Variants in CRPPA observed in about 807,000 individuals in gnomAD.
CRPPA encodes CDP-L-ribitol pyrophosphorylase A.
In CRPPA, 43 loss-of-function variants were observed where a neutral mutation model predicts 52.0. The ratio of observed to expected loss-of-function variants is 0.83; its 90% CI spans 0.65 to 1.07. The LOEUF (loss-of-function observed/expected upper bound fraction) is 1.07. Among genes scored for constraint, CRPPA ranks in the 50% least tolerant of loss-of-function variants. The pLI is 0.00. For missense variants in CRPPA, 629 were observed against 551.7 expected (o/e 1.14, Z -1.40); for synonymous variants, 250 against 203.5 (o/e 1.23, Z -1.94).
At chr7:16,387,086 T>TATATATACAC (rs1214967656) in intron 2 of CRPPA, among the ~76,000 whole-genome samples, 1 of 55,810 alleles carries the variant, frequency 1.8e-5, no homozygotes, top group Non-Finnish European at 3.3e-5. Context: ...TATATATATA[T>TATATATACAC]ACACACATAT....
At chr7:16,366,880 A>G (rs1383346546) in intron 3 of CRPPA, among the ~76,000 whole-genome samples, 1 of 152,184 alleles carries the variant, frequency 6.6e-6, no homozygotes, top group East Asian at 1.9e-4. Flanking sequence ...CATCACCAAG[A>G]TTGTCAATTT....
At chr7:16,395,894 T>C (rs1787556201) in intron 2 of CRPPA, among the ~76,000 whole-genome samples, 1 of 152,194 alleles carries the variant, frequency 6.6e-6, no homozygotes, top group Non-Finnish European at 1.5e-5. Flanking sequence ...TTTGAAATAA[T>C]TAAAGCAAAG....
At chr7:16,215,998 C>T in intron 9 of CRPPA, 68 bp downstream of exon 9, 1 of 1,226,728 alleles carries the variant, frequency 8.2e-7, no homozygotes, top group East Asian at 2.4e-5. Flanking sequence ...CTGCTTTTAA[C>T]AAATCAGATA....
intron 8 of CRPPA, among the ~76,000 whole-genome samples, chr7:16,219,671 G>A (rs1240488346): frequency 1.1e-3 from 119 of 112,886 alleles, no homozygotes; most frequent in African/African-American, 3.4e-3. Flanking sequence ...ACACCTCTAC[G>A]CAAATAAACT....
intron 9 of CRPPA, among the ~76,000 whole-genome samples, chr7:16,102,781 C>T (rs750991966): frequency 7.2e-5 from 11 of 152,190 alleles, no homozygotes; most frequent in Middle Eastern, 3.4e-3. Flanking sequence ...GTTAGAATGG[C>T]GACCATTAAA....
chr7:16,106,508 G>T (rs1782154965), intron 9 of CRPPA, among the ~76,000 whole-genome samples: 1 of 152,110 alleles, frequency 6.6e-6, no homozygotes, highest in South Asian at 2.1e-4. Flanking sequence ...CCAACCAGTA[G>T]CCCCACCTGA....
chr7:16,218,927 C>A (rs1782416477), intron 8 of CRPPA, among the ~76,000 whole-genome samples: 1 of 152,072 alleles, frequency 6.6e-6, no homozygotes, highest in Non-Finnish European at 1.5e-5. Context: ...GAACTCAGCT[C>A]TGCACCAAGC....
At chr7:16,170,367 T>G (rs1008563180) in intron 9 of CRPPA, among the ~76,000 whole-genome samples, 1 of 152,268 alleles carries the variant, frequency 6.6e-6, no homozygotes, top group Non-Finnish European at 1.5e-5. Flanking sequence ...ACCCTCGCGG[T>G]GAGTGTTACA....
intron 3 of CRPPA, among the ~76,000 whole-genome samples, chr7:16,368,267 C>T (rs914538812): frequency 3.3e-5 from 5 of 152,188 alleles, no homozygotes; most frequent in African/African-American, 9.7e-5. Flanking sequence ...ATAGTTTCCA[C>T]TCTTGAAATT....
At chr7:16,288,311 C>T (rs949427062) in intron 5 of CRPPA, among the ~76,000 whole-genome samples, 1 of 151,842 alleles carries the variant, frequency 6.6e-6, no homozygotes, top group Middle Eastern at 3.4e-3. Flanking sequence ...AAAATACAAA[C>T]ATTTTTCTTT....
intron 3 of CRPPA, among the ~76,000 whole-genome samples, chr7:16,326,709 T>C (rs1785399787): frequency 6.6e-6 from 1 of 152,208 alleles, no homozygotes; most frequent in South Asian, 2.1e-4. Context: ...TAAGTAGTTG[T>C]GTGACTCTCT....
chr7:16,167,083 C>T lies in CRPPA; in HGVS notation c.1251+48983G>A, dbSNP rs898970651. 2.6e-5 allele frequency among the ~76,000 whole-genome samples: 4 copies of T among 152,062 alleles called. No individual in the cohort carries two copies. The East Asian group carries it at 7.7e-4, about 29-fold the overall frequency. ...AGCTGGGACTACAGGGGCCTGCCAC[C>T]ATGCCCGGCTAATTTTTTGTACTTA... On this transcript the variant is annotated intron_variant, in intron 9 of 9. Transcript: ENST00000407010.
chr7:16,134,968 G>A (rs1782738319), intron 9 of CRPPA, among the ~76,000 whole-genome samples: 1 of 152,084 alleles, frequency 6.6e-6, no homozygotes, highest in African/African-American at 2.4e-5. Context: ...TACCTGTTTT[G>A]TTGTCTGGAT....
intron 8 of CRPPA, among the ~76,000 whole-genome samples, chr7:16,234,451 T>C (rs1782885987): frequency 1.3e-5 from 2 of 152,078 alleles, no homozygotes; most frequent in Non-Finnish European, 2.9e-5. Context: ...AAAACGTTTT[T>C]CTAAAAGGCA....
intron 2 of CRPPA, among the ~76,000 whole-genome samples, chr7:16,400,574 T>G (rs897939738): frequency 3.9e-5 from 6 of 152,140 alleles, no homozygotes; most frequent in African/African-American, 1.4e-4. Flanking sequence ...CTGACACATT[T>G]GTGACACACA....
chr7:16,351,585 C>T (rs4568517), intron 3 of CRPPA, among the ~76,000 whole-genome samples: 123,088 of 151,860 alleles, frequency 0.81, 50,054 homozygotes, highest in Non-Finnish European at 0.84. Context: ...AAACAAACAA[C>T]CCCATCAAAC....
At chr7:16,371,586 GAAGAAATAGTCTACCCAAAT>G (rs1562659599) in intron 3 of CRPPA, among the ~76,000 whole-genome samples, 3 of 151,404 alleles carry the variant, frequency 2.0e-5, no homozygotes, top group African/African-American at 7.3e-5. Flanking sequence ...AGAACAATTT[GAAGAAATAGTCTACCCAAAT>G]AAGAAAGAAT....
chr7:16,376,148 C>T lies in CRPPA; in HGVS notation c.628G>A (p.Ala210Thr), dbSNP rs886062168. ...AGAAAAGCTTGGGGCATTTCACTTGCTCTGTGTCTGGCACGTTCTAGCGAG... is the reference window on the plus strand; with the variant it reads ...AGAAAAGCTTGGGGCATTTCACTTGTTCTGTGTCTGGCACGTTCTAGCGAG... ...DYSLERARHRASEMPQAFLFD... is the reference protein window; with the variant it reads ...DYSLERARHRTSEMPQAFLFD... Residue 210 changes from alanine (A) to threonine (T), a missense_variant, in exon 3 of 10, where the codon GCA becomes ACA. Transcript: ENST00000407010. 2 of 1,612,858 alleles carry T rather than the reference C, an allele frequency of 1.2e-6. No homozygotes were observed. Among genetic ancestry groups the T allele is most frequent in the East Asian group, 2.2e-5 (1 of 44,852 alleles).
chr7:16,226,324 C>T (rs1163096620), intron 8 of CRPPA, among the ~76,000 whole-genome samples: 1 of 151,772 alleles, frequency 6.6e-6, no homozygotes, highest in East Asian at 1.9e-4. Flanking sequence ...AATATAATAA[C>T]AAGAAGTTAC....
Sources: gnomAD v4.1 joint callset for allele counts (sites outside exome capture counted in the v4.1 genomes callset) on GRCh38, gnomAD v4.1.1 for gene constraint, MANE v1.5 for transcripts, NCBI Gene and HGNC (gene_info 2026-07-23, HGNC 2026-07-21) for gene names.